The following CRMP1 variants were observed in gnomAD, a reference collection of about 807,000 sequenced individuals.
CRMP1 encodes the protein collapsin response mediator protein 1.
CRMP1 carries 19 observed loss-of-function variants against 68.3 expected under a neutral mutation model. That is an observed-to-expected ratio of 0.28 (90% CI 0.19 to 0.41). The LOEUF (loss-of-function observed/expected upper bound fraction) is 0.41. Among genes scored for constraint, CRMP1 ranks in the 10% least tolerant of loss-of-function variants. The pLI is 1.00. For synonymous variants in CRMP1, 439 were observed against 399.6 expected (o/e 1.10, Z -1.18); for missense variants, 791 against 967.4 (o/e 0.82, Z 2.42).
intron 1 of CRMP1, among the ~76,000 whole-genome samples, chr4:5,876,318 T>C (rs960510173): frequency 6.6e-5 from 10 of 152,040 alleles, no homozygotes; most frequent in African/African-American, 1.7e-4. Flanking sequence ...CCCCAGGAAG[T>C]TGGGGTGAGG....
intron 1 of CRMP1, among the ~76,000 whole-genome samples, chr4:5,886,520 G>T (rs1442815386): frequency 6.6e-6 from 1 of 152,242 alleles, no homozygotes; most frequent in Non-Finnish European, 1.5e-5. Context: ...AGTAGGCCTG[G>T]TGACCACTTC....
chr4:5,821,393 A>G lies in CRMP1; in HGVS notation c.*367T>C, dbSNP rs41269563. 0.018 allele frequency: 4,327 copies of G among 236,276 alleles called. 61 individuals carry two copies. Among genetic ancestry groups the G allele is most frequent in the South Asian group, 0.038 (293 of 7,792 alleles). The allele number at this position is 236,276 out of a possible 1,614,324, so 14.6% of individuals were successfully genotyped here. A position where few individuals can be genotyped will look rare whatever the true frequency, so the allele number is the denominator to read the frequency against. ...ATACGTAATTTAGTAACATGCATCA[A>G]CTATCCTAGAACATCTACAGGGTGC... On this transcript the variant is annotated 3_prime_UTR_variant, in exon 14 of 14. Transcript: ENST00000324989. The surrounding 1 kb of genome is among the most constrained non-coding windows in gnomAD (Gnocchi z 4.4).
chr4:5,833,175 T>TC (rs1720499074), intron 11 of CRMP1, among the ~76,000 whole-genome samples: 1 of 118,976 alleles, frequency 8.4e-6, no homozygotes, highest in African/African-American at 3.5e-5. Context: ...TTTTTTTTTT[T>TC]TTTTTTTTTG....
At chr4:5,847,366 T>C (rs1428996386) in intron 6 of CRMP1, among the ~76,000 whole-genome samples, 2 of 152,018 alleles carry the variant, frequency 1.3e-5, no homozygotes, top group Non-Finnish European at 2.9e-5. Context: ...TGGGAAGGGG[T>C]GATTGTAATT....
Position 5,858,872 on chromosome 4 carries a change from AG to A in CRMP1, c.655+2153del, listed in dbSNP as rs1390597206. On this transcript the variant is annotated intron_variant, in intron 3 of 13. Coordinates refer to ENST00000324989, the MANE Select transcript of CRMP1 (RefSeq NM_001014809.3). This position sits in a 1 kb window ranked among gnomAD's most constrained non-coding sequence, Gnocchi z 5.5. ...GCCTCCCTGCAGTCTCTGGAATGGG[AG>A]GTGTGTTCTCACCTCAGGGCCTTTG... 6.6e-6 allele frequency among the ~76,000 whole-genome samples: 1 copy of A among 152,084 alleles called. No homozygotes were observed. Among genetic ancestry groups the A allele is most frequent in the East Asian group, 1.9e-4 (1 of 5,180 alleles).
Position 5,870,813 on chromosome 4 carries a change from C to A in CRMP1, c.382-4057G>T, listed in dbSNP as rs1016732193. ...CAAGCCTCTTGACGGCAATCCGGGA[C>A]CAATGGGAAAAAGAGGCCCAGGCTC... On this transcript the variant is annotated intron_variant, in intron 1 of 13. Coordinates refer to ENST00000324989, the MANE Select transcript of CRMP1 (RefSeq NM_001014809.3). This position sits in a 1 kb window ranked among gnomAD's most constrained non-coding sequence, Gnocchi z 6.0. Among the ~76,000 whole-genome samples the A allele has an allele frequency of 2.6e-5, 4 of 152,158 alleles. No homozygotes were observed. The highest frequency in any genetic ancestry group is 5.9e-5 in the Non-Finnish European group (4 of 68,026).
At chr4:5,844,340 G>A (rs2152460917) in intron 6 of CRMP1, among the ~76,000 whole-genome samples, 1 of 142,222 alleles carries the variant, frequency 7.0e-6, no homozygotes, top group South Asian at 2.7e-4. Flanking sequence ...GAAGGAAAGA[G>A]GAAGTAAGGA....
At chr4:5,887,223 GCCTA>G (rs1715653782) in intron 1 of CRMP1, among the ~76,000 whole-genome samples, 1 of 152,216 alleles carries the variant, frequency 6.6e-6, no homozygotes, top group Admixed American at 6.5e-5. Flanking sequence ...CAATACCTCC[GCCTA>G]CCTAAGGCTG....
intron 1 of CRMP1, among the ~76,000 whole-genome samples, chr4:5,880,725 A>G (rs1379584647): frequency 1.3e-5 from 2 of 152,226 alleles, no homozygotes; most frequent in African/African-American, 4.8e-5. Context: ...TTTGAGCTCC[A>G]AAACTCCTCA....
chr4:5,885,397 C>T (rs1715511144), intron 1 of CRMP1, among the ~76,000 whole-genome samples: 1 of 152,218 alleles, frequency 6.6e-6, no homozygotes, highest in Admixed American at 6.5e-5. Flanking sequence ...GCTACACCAG[C>T]ACTTCTTCCC....
chr4:5,861,014 A>G lies in CRMP1; in HGVS notation c.655+12T>C. 1.2e-6 allele frequency: 2 copies of G among 1,613,156 alleles called. No individual in the cohort carries two copies. The highest frequency in any genetic ancestry group is 2.2e-5 in the South Asian group (2 of 90,964). On this transcript the variant is annotated intron_variant, in intron 3 of 13. Coordinates refer to ENST00000324989, the MANE Select transcript of CRMP1 (RefSeq NM_001014809.3). This position sits in a 1 kb window ranked among gnomAD's most constrained non-coding sequence, Gnocchi z 6.0. ...AGTCTATGTCCCTAAGGCAGGGGAC[A>G]GTGTCACTCACTGATCATCGTGGTC...
At chr4:5,827,862 T>C (rs910256009) in intron 12 of CRMP1, among the ~76,000 whole-genome samples, 6 of 152,178 alleles carry the variant, frequency 3.9e-5, no homozygotes, top group Non-Finnish European at 8.8e-5. Context: ...GGAGTCTCTC[T>C]CAGCTGTGAG....
At position 5,825,776 on chromosome 4, in the gene CRMP1, G is replaced by GCA. The variant is rs10605297; in HGVS notation, c.1804-119_1804-118dup. On this transcript the variant is annotated intron_variant, in intron 12 of 13. Transcript: ENST00000324989. This position sits in a 1 kb window ranked among gnomAD's most constrained non-coding sequence, Gnocchi z 4.4. ...ACCTGAGGTCACTTCAAATGTGCAT[G>GCA]CACACACACACACAACACGCACACA... 2.0e-4 allele frequency: 182 copies of GCA among 902,474 alleles called. No individual in the cohort carries two copies. The highest frequency in any genetic ancestry group is 2.5e-4 in the Non-Finnish European group (147 of 592,812). The allele number at this position is 902,474 out of a possible 1,614,324, so 55.9% of individuals were successfully genotyped here.
At chr4:5,828,453 C>G (rs1560483486) in intron 12 of CRMP1, 36 bp downstream of exon 12, 2 of 1,601,982 alleles carry the variant, frequency 1.2e-6, no homozygotes, top group Non-Finnish European at 1.7e-6. Context: ...GGCTCTGGTC[C>G]CACGGGTGGG....
At position 5,858,589 on chromosome 4, in the gene CRMP1, A is replaced by G. The variant is rs1577804274; in HGVS notation, c.656-2282T>C. 6.6e-6 allele frequency among the ~76,000 whole-genome samples: 1 copy of G among 151,904 alleles called. No individual in the cohort carries two copies. The stretch of plus-strand genomic sequence containing the variant: ...ATTCTGCCCACTCCATGGCCACGCC[A>G]CCCTCATCTCTCAGCTGAATTACGC... On this transcript the variant is annotated intron_variant, in intron 3 of 13. Coordinates refer to ENST00000324989, the MANE Select transcript of CRMP1 (RefSeq NM_001014809.3). The surrounding 1 kb of genome is among the most constrained non-coding windows in gnomAD (Gnocchi z 5.5).
At chr4:5,829,443 A>T (rs1319445005) in intron 11 of CRMP1, among the ~76,000 whole-genome samples, 1 of 152,220 alleles carries the variant, frequency 6.6e-6, no homozygotes, top group African/African-American at 2.4e-5. Flanking sequence ...TCAAGTGAAT[A>T]CTTGACAGTT....
Position 5,835,911 on chromosome 4 carries a change from T to A in CRMP1, c.1623+4A>T, listed in dbSNP as rs1720694719. Reference sequence around the variant, plus strand: ...CTCAGCAGCACAAATAGGCCAGGACTTACCGACTTGTGACTTTTGGCTGTT... The same window carrying A: ...CTCAGCAGCACAAATAGGCCAGGACATACCGACTTGTGACTTTTGGCTGTT... On this transcript the variant is annotated splice_donor_region_variant and intron_variant, in intron 11 of 13. Coordinates refer to ENST00000324989, the MANE Select transcript of CRMP1 (RefSeq NM_001014809.3). The A allele has an allele frequency of 3.3e-6, 5 of 1,532,140 alleles. No individual in the cohort carries two copies. Among genetic ancestry groups the A allele is most frequent in the Non-Finnish European group, 4.4e-6 (5 of 1,140,260 alleles). The allele number at this position is 1,532,140 out of a possible 1,614,324, so 94.9% of individuals were successfully genotyped here. A position where few individuals can be genotyped will look rare whatever the true frequency, so the allele number is the denominator to read the frequency against.
At chr4:5,878,182 G>C (rs906064199) in intron 1 of CRMP1, among the ~76,000 whole-genome samples, 2 of 151,800 alleles carry the variant, frequency 1.3e-5, no homozygotes, top group Non-Finnish European at 2.9e-5. Flanking sequence ...AGATGGTACA[G>C]CAGCTAGGAT....
Position 5,825,205 on chromosome 4 carries a change from G to A in CRMP1, c.1969+289C>T. On this transcript the variant is annotated intron_variant, in intron 13 of 13. Transcript: ENST00000324989. This position sits in a 1 kb window ranked among gnomAD's most constrained non-coding sequence, Gnocchi z 4.4. ...CTTTCATGAGGAAGAGTGTGAAAGT[G>A]TCCCCAAATGTGTGTAAGGATGAGC... The A allele has an allele frequency of 2.0e-6, 2 of 985,304 alleles. No individual in the cohort carries two copies. Among genetic ancestry groups the A allele is most frequent in the Non-Finnish European group, 2.4e-6 (2 of 829,914 alleles). The allele number at this position is 985,304 out of a possible 1,614,324, so 61.0% of individuals were successfully genotyped here.
Sources: gnomAD v4.1 joint callset for allele counts (sites outside exome capture counted in the v4.1 genomes callset) on GRCh38, gnomAD v4.1.1 for gene constraint, Gnocchi (gnomAD v3.1) non-coding constraint, MANE v1.5 for transcripts, NCBI Gene and HGNC (gene_info 2026-07-23, HGNC 2026-07-21) for gene names.